MICU3: variants seen among roughly 807,000 people sequenced by gnomAD.
The protein encoded by MICU3 is calcium uptake protein 3, mitochondrial.
In MICU3, 62 loss-of-function variants were observed where a neutral mutation model predicts 66.5. The ratio of observed to expected loss-of-function variants is 0.93; its 90% CI spans 0.76 to 1.15. MICU3 has a LOEUF of 1.15. MICU3 is among the 50% of genes most tolerant of loss of function. MICU3 has a pLI of 0.00. For synonymous variants in MICU3, 308 were observed against 240.7 expected (o/e 1.28, Z -2.59); for missense variants, 779 against 664.4 (o/e 1.17, Z -1.90).
chr8:17,053,419 C>G (rs1288075877), intron 1 of MICU3, among the ~76,000 whole-genome samples: 2 of 152,078 alleles, frequency 1.3e-5, no homozygotes, highest in African/African-American at 4.8e-5. Context: ...GGCAATGAAC[C>G]TTTGTTTTCT....
intron 1 of MICU3, among the ~76,000 whole-genome samples, chr8:17,044,775 A>T (rs1172519380): frequency 6.6e-6 from 1 of 152,234 alleles, no homozygotes; most frequent in Admixed American, 6.5e-5. Context: ...AGGAAATAAC[A>T]TAGGCTGAAA....
intron 1 of MICU3, among the ~76,000 whole-genome samples, chr8:17,053,278 CG>C (rs761045349): frequency 1.6e-4 from 25 of 152,192 alleles, no homozygotes; most frequent in South Asian, 6.2e-4. Context: ...AGCTGGTAGG[CG>C]TAAGTTTCTC....
rs530706026 is a variant in MICU3 at position 17,058,081 on chromosome 8, C to G, written c.382-6003C>G. Among the ~76,000 whole-genome samples, 22 of 152,204 alleles carry G rather than the reference C, an allele frequency of 1.4e-4. No individual in the cohort carries two copies. In the South Asian group the frequency reaches 4.4e-3, roughly 30 times the overall value. Reference sequence around the variant, plus strand: ...GCCAGGCTGGTCTCGAACTCCTGACCGCAGGTGATCCACCCGCCTCGGCCT... The same window carrying G: ...GCCAGGCTGGTCTCGAACTCCTGACGGCAGGTGATCCACCCGCCTCGGCCT... On this transcript the variant is annotated intron_variant, in intron 1 of 14. Coordinates refer to ENST00000318063, the MANE Select transcript of MICU3 (RefSeq NM_181723.3).
chr8:17,087,944 T>A (rs142662954), intron 7 of MICU3, among the ~76,000 whole-genome samples: 1 of 152,162 alleles, frequency 6.6e-6, no homozygotes, highest in Non-Finnish European at 1.5e-5. Context: ...GTGCAGTAGT[T>A]TAATTGTCCT....
At chr8:17,028,479 T>G (rs1811435153) in intron 1 of MICU3, among the ~76,000 whole-genome samples, 1 of 152,210 alleles carries the variant, frequency 6.6e-6, no homozygotes, top group Non-Finnish European at 1.5e-5. Flanking sequence ...TATTTAATAG[T>G]CATGTAAATG....
intron 1 of MICU3, among the ~76,000 whole-genome samples, chr8:17,029,086 G>A (rs1216291759): frequency 6.6e-6 from 1 of 152,224 alleles, no homozygotes; most frequent in African/African-American, 2.4e-5. Context: ...TTCCTCACCT[G>A]TGAAATGAGG....
At chr8:17,071,309 T>C (rs1819553862) in intron 3 of MICU3, among the ~76,000 whole-genome samples, 1 of 152,122 alleles carries the variant, frequency 6.6e-6, no homozygotes, top group Non-Finnish European at 1.5e-5. Context: ...GAGATCCAGG[T>C]GTCAGCAGGT....
intron 1 of MICU3, among the ~76,000 whole-genome samples, chr8:17,053,254 T>G (rs1469634417): frequency 6.6e-6 from 1 of 152,136 alleles, no homozygotes; most frequent in Non-Finnish European, 1.5e-5. Flanking sequence ...AATTGCCTCT[T>G]TTAGGGTATT....
At chr8:17,094,690 T>A (rs1800478753) in intron 8 of MICU3, among the ~76,000 whole-genome samples, 1 of 151,902 alleles carries the variant, frequency 6.6e-6, no homozygotes, top group Non-Finnish European at 1.5e-5. Context: ...ATAACCATGG[T>A]TTGTCTATTA....
chr8:17,083,691 T>C (rs1237778518), intron 5 of MICU3, among the ~76,000 whole-genome samples: 1 of 152,064 alleles, frequency 6.6e-6, no homozygotes, highest in Non-Finnish European at 1.5e-5. Flanking sequence ...CCTTTTGTAA[T>C]AGGGCTACCT....
At position 17,040,980 on chromosome 8, in the gene MICU3, G is replaced by A. The variant is rs1020998464; in HGVS notation, c.381+13320G>A. Among the ~76,000 whole-genome samples the A allele has an allele frequency of 2.9e-4, 44 of 152,292 alleles. 1 individual carries two copies. Among genetic ancestry groups the A allele is most frequent in the African/African-American group, 9.9e-4 (41 of 41,560 alleles). On this transcript the variant is annotated intron_variant, in intron 1 of 14. Transcript: ENST00000318063. ...AAAACAGGTTGGGAATAATGGGCAT[G>A]GATGATGAATCTGTAACTTGTACAA...
At chr8:17,041,677 A>G (rs1814130226) in intron 1 of MICU3, among the ~76,000 whole-genome samples, 2 of 152,140 alleles carry the variant, frequency 1.3e-5, no homozygotes, top group African/African-American at 2.4e-5. Flanking sequence ...GAAAGAGAAT[A>G]ATTGATGTGA....
intron 11 of MICU3, among the ~76,000 whole-genome samples, chr8:17,107,515 A>C (rs1311159780): frequency 1.3e-5 from 2 of 152,192 alleles, no homozygotes; most frequent in Non-Finnish European, 2.9e-5. Flanking sequence ...TTAGTTATTC[A>C]AAGAGTGACT....
intron 1 of MICU3, among the ~76,000 whole-genome samples, chr8:17,052,706 C>T (rs926569689): frequency 2.0e-5 from 3 of 152,168 alleles, no homozygotes; most frequent in African/African-American, 7.2e-5. Flanking sequence ...ACTTAGAGTA[C>T]TTGGGATTTT....
rs1182807843 is a variant in MICU3 at position 17,096,956 on chromosome 8, TG to T, written c.889-1501del. ...GTTCTTAATACGTTCTAAATATATT[TG>T]TGTGTGTGTGTGTGTGTGTGTGTGT... On this transcript the variant is annotated intron_variant, in intron 8 of 14. Transcript: ENST00000318063. Among the ~76,000 whole-genome samples the T allele has an allele frequency of 1.9e-3, 4 of 2,136 alleles. 1 individual carries two copies. Among genetic ancestry groups the T allele is most frequent in the East Asian group, 0.12 (1 of 8 alleles). The allele number at this position is 2,136 out of a possible 152,430, so 1.4% of individuals were successfully genotyped here. A position where few individuals can be genotyped will look rare whatever the true frequency, so the allele number is the denominator to read the frequency against.
intron 1 of MICU3, 52 bp downstream of exon 1, chr8:17,027,712 CG>C: frequency 1.6e-6 from 2 of 1,262,660 alleles, no homozygotes; most frequent in South Asian, 3.0e-5. Context: ...ACCTTCGTGC[CG>C]GGTACGCAGG....
chr8:17,106,377 C>G (rs951622387), intron 11 of MICU3, among the ~76,000 whole-genome samples: 1 of 151,366 alleles, frequency 6.6e-6, no homozygotes, highest in African/African-American at 2.4e-5. Flanking sequence ...ATGCATTTGG[C>G]AATTAGTTTA....
intron 1 of MICU3, 145 bp from the exon 2 acceptor site, chr8:17,063,939 A>G (rs76456256): frequency 0.02 from 8,962 of 455,278 alleles, 136 homozygotes; most frequent in Non-Finnish European, 0.028. Flanking sequence ...TAATTTATTT[A>G]TAAAGTGATT....
In MICU3 at chr8:17,027,678, C is replaced by T; in HGVS notation, c.381+18C>T. On this transcript the variant is annotated intron_variant, in intron 1 of 14. Coordinates refer to ENST00000318063, the MANE Select transcript of MICU3 (RefSeq NM_181723.3). The stretch of plus-strand genomic sequence containing the variant: ...AGGAGACGGTGAGTGCGCGAGCGCG[C>T]GTCACACCTGCGCGGGGGATGTGAC... 7 of 1,277,560 alleles carry T rather than the reference C, an allele frequency of 5.5e-6. No homozygotes were observed. Among genetic ancestry groups the T allele is most frequent in the Non-Finnish European group, 6.9e-6 (7 of 1,014,476 alleles). The allele number at this position is 1,277,560 out of a possible 1,614,324, so 79.1% of individuals were successfully genotyped here.
Sources: allele counts gnomAD v4.1 joint callset (sites outside exome capture counted in the v4.1 genomes callset), GRCh38; gene constraint gnomAD v4.1.1; transcripts MANE v1.5; gene names NCBI Gene and HGNC (gene_info 2026-07-23, HGNC 2026-07-21).